TOX: variants seen among roughly 807,000 people sequenced by gnomAD.
The protein encoded by TOX is thymocyte selection associated high mobility group box, also known as thymocyte selection-associated high mobility group box protein TOX.
TOX carries 11 observed loss-of-function variants against 53.7 expected under a neutral mutation model. The observed-to-expected ratio is 0.20, with a 90% confidence interval of 0.13 to 0.34. TOX has a LOEUF of 0.34. Among genes scored for constraint, TOX ranks in the 10% least tolerant of loss-of-function variants. TOX has a pLI of 1.00. For missense variants in TOX, 570 were observed against 664.6 expected (o/e 0.86, Z 1.56); for synonymous variants, 225 against 245.3 (o/e 0.92, Z 0.77).
Position 59,118,939 on chromosome 8 carries a change from C to G in TOX, c.49G>C (p.Asp17His). The G allele has an allele frequency of 1.9e-6, 3 of 1,602,218 alleles. No homozygotes were observed. Among genetic ancestry groups the G allele is most frequent in the Non-Finnish European group, 2.6e-6 (3 of 1,173,968 alleles). ...GGAGAAGGTCCCAGACAGGGAGCGT[C>G]GGGCGCAGCGGCGGGCTGGGCTGGA... Reference protein sequence around the residue: ...PPPAQPAAAPDAPCLGPSPCL... With the variant: ...PPPAQPAAAPHAPCLGPSPCL... The change falls in exon 1 of 9, where the codon GAC becomes CAC. Residue 17 changes from aspartate to histidine, a missense_variant. Transcript: ENST00000361421. The surrounding 1 kb of genome is among the most constrained non-coding windows in gnomAD (Gnocchi z 4.1).
At chr8:58,867,387 G>T (rs754721026) in intron 3 of TOX, among the ~76,000 whole-genome samples, 3 of 152,180 alleles carry the variant, frequency 2.0e-5, no homozygotes, top group Admixed American at 6.5e-5. Flanking sequence ...ACATAAGCAG[G>T]CGCTGTCCCC....
intron 3 of TOX, among the ~76,000 whole-genome samples, chr8:58,862,343 T>C (rs536482528): frequency 3.9e-5 from 6 of 152,294 alleles, no homozygotes; most frequent in African/African-American, 1.4e-4. Flanking sequence ...GATGTAATTA[T>C]ATATAGTCTC....
chr8:58,894,866 A>G (rs1811615286), intron 3 of TOX, among the ~76,000 whole-genome samples: 1 of 152,040 alleles, frequency 6.6e-6, no homozygotes, highest in Non-Finnish European at 1.5e-5. Flanking sequence ...ACTGCACTCC[A>G]GCCTGGGAGA....
chr8:58,885,793 T>C lies in TOX; in HGVS notation c.412-33988A>G, dbSNP rs142033189. The stretch of plus-strand genomic sequence containing the variant: ...TTGCTATACCTCAATCCCTGATGTT[T>C]GTGCTGCAGTGAAGACTTATAATAT... On this transcript the variant is annotated intron_variant, in intron 3 of 8. Coordinates refer to ENST00000361421, the MANE Select transcript of TOX (RefSeq NM_014729.3). 3.9e-5 allele frequency among the ~76,000 whole-genome samples: 6 copies of C among 152,292 alleles called. No individual in the cohort carries two copies. The East Asian group carries it at 1.2e-3, about 29-fold the overall frequency.
rs570209224 is a variant in TOX at position 58,952,977 on chromosome 8, C to T, written c.168+6966G>A. On this transcript the variant is annotated intron_variant, in intron 2 of 8. Coordinates refer to ENST00000361421, the MANE Select transcript of TOX (RefSeq NM_014729.3). Reference sequence around the variant, plus strand: ...TAAAATGTTCCTAAAATAGCTCATCCGCTGGCGAGGTTGATATAAAACACT... The same window carrying T: ...TAAAATGTTCCTAAAATAGCTCATCTGCTGGCGAGGTTGATATAAAACACT... Among the ~76,000 whole-genome samples, 48 of 152,148 alleles carry T rather than the reference C, an allele frequency of 3.2e-4. No individual in the cohort carries two copies. In the South Asian group the frequency reaches 4.8e-3, roughly 15 times the overall value.
chr8:58,867,581 AG>A (rs1351702164), intron 3 of TOX, among the ~76,000 whole-genome samples: 1 of 152,210 alleles, frequency 6.6e-6, no homozygotes, highest in Admixed American at 6.5e-5. Flanking sequence ...AACATTGTCT[AG>A]GGTAAGACTC....
At chr8:58,817,997 A>T (rs968752286) in intron 6 of TOX, among the ~76,000 whole-genome samples, 1 of 152,196 alleles carries the variant, frequency 6.6e-6, no homozygotes, top group Non-Finnish European at 1.5e-5. Flanking sequence ...AAATAATTGT[A>T]TGTGGTCCAT....
intron 1 of TOX, among the ~76,000 whole-genome samples, chr8:58,971,169 C>A (rs1812995120): frequency 6.6e-6 from 1 of 152,206 alleles, no homozygotes; most frequent in Non-Finnish European, 1.5e-5. Context: ...CTGGTTTGTT[C>A]TTTTATGCCA....
chr8:58,920,616 G>T (rs1438955594), intron 3 of TOX, among the ~76,000 whole-genome samples: 4 of 106,488 alleles, frequency 3.8e-5, no homozygotes, highest in African/African-American at 1.5e-4. Context: ...TAGATGACAC[G>T]TTAGTGGGTG....
intron 1 of TOX, among the ~76,000 whole-genome samples, chr8:59,013,362 A>G (rs1349704544): frequency 6.6e-6 from 1 of 151,530 alleles, no homozygotes; most frequent in Non-Finnish European, 1.5e-5. Context: ...TAAAGTTATC[A>G]TTTGATAATT....
At chr8:58,935,879 T>A (rs1039695283) in intron 3 of TOX, among the ~76,000 whole-genome samples, 2 of 152,188 alleles carry the variant, frequency 1.3e-5, no homozygotes, top group African/African-American at 2.4e-5. Flanking sequence ...ATGTAAAATA[T>A]GAAAAGACAA....
chr8:58,862,139 C>T (rs571558806), intron 3 of TOX, among the ~76,000 whole-genome samples: 1 of 152,054 alleles, frequency 6.6e-6, no homozygotes, highest in East Asian at 1.9e-4. Flanking sequence ...GAAACGAAGA[C>T]AGGAAAAGGC....
At chr8:58,832,812 C>T (rs1251910965) in intron 5 of TOX, among the ~76,000 whole-genome samples, 3 of 152,124 alleles carry the variant, frequency 2.0e-5, no homozygotes, top group Admixed American at 6.5e-5. Context: ...AGTAATTTCA[C>T]GAGGCGTCAA....
At chr8:58,898,655 G>GC (rs1811687821) in intron 3 of TOX, among the ~76,000 whole-genome samples, 1 of 152,106 alleles carries the variant, frequency 6.6e-6, no homozygotes, top group East Asian at 1.9e-4. Context: ...TCACACTTTT[G>GC]CTTGAGTCCA....
At chr8:58,892,029 T>C (rs1019606478) in intron 3 of TOX, among the ~76,000 whole-genome samples, 5 of 152,164 alleles carry the variant, frequency 3.3e-5, no homozygotes, top group Non-Finnish European at 7.3e-5. Flanking sequence ...ATGAGACTGA[T>C]ATTGTGTGAG....
chr8:59,113,794 T>C (rs1202989908), intron 1 of TOX, among the ~76,000 whole-genome samples: 1 of 152,020 alleles, frequency 6.6e-6, no homozygotes, highest in Non-Finnish European at 1.5e-5. Flanking sequence ...CTGGTAGACC[T>C]GCGACTGAGG....
intron 1 of TOX, among the ~76,000 whole-genome samples, chr8:58,962,717 G>A (rs1237024904): frequency 6.6e-6 from 1 of 152,174 alleles, no homozygotes; most frequent in Non-Finnish European, 1.5e-5. Flanking sequence ...AAGGTGGGAG[G>A]ACTGCTTGAG....
At chr8:58,922,878 G>A (rs911272720) in intron 3 of TOX, among the ~76,000 whole-genome samples, 4 of 152,176 alleles carry the variant, frequency 2.6e-5, no homozygotes, top group African/African-American at 7.2e-5. Context: ...TGCCACTTAC[G>A]GCTAGAGTTT....
chr8:59,108,202 G>A (rs1206432321), intron 1 of TOX, among the ~76,000 whole-genome samples: 1 of 152,188 alleles, frequency 6.6e-6, no homozygotes, highest in Non-Finnish European at 1.5e-5. Context: ...TAACAATACA[G>A]TATATCTTAT....
Sources: allele counts gnomAD v4.1 joint callset (sites outside exome capture counted in the v4.1 genomes callset), GRCh38; gene constraint gnomAD v4.1.1; non-coding constraint Gnocchi (gnomAD v3.1); transcripts MANE v1.5; gene names NCBI Gene and HGNC (gene_info 2026-07-23, HGNC 2026-07-21).